Variants in SGCZ observed in about 807,000 individuals in gnomAD.
SGCZ encodes zeta-sarcoglycan.
In SGCZ, 40 loss-of-function variants were observed where a neutral mutation model predicts 41.3. The ratio of observed to expected loss-of-function variants is 0.97; its 90% CI spans 0.75 to 1.26. SGCZ has a LOEUF of 1.26. Among genes scored for constraint, SGCZ ranks in the 50% most tolerant of loss-of-function variants. SGCZ has a pLI of 0.00. For synonymous variants in SGCZ, 206 were observed against 137.5 expected, an observed-to-expected ratio of 1.50 and a Z score of -3.49; for missense variants, 552 against 369.8, an observed-to-expected ratio of 1.49 and a Z score of -4.04.
At chr8:14,358,486 A>T (rs1204206091) in intron 2 of SGCZ, among the ~76,000 whole-genome samples, 2 of 152,228 alleles carry the variant, frequency 1.3e-5, no homozygotes, top group Non-Finnish European at 2.9e-5. Context: ...CAGTTACTAT[A>T]TAAAATATGT....
At chr8:14,425,433 C>T (rs1799752844) in intron 2 of SGCZ, among the ~76,000 whole-genome samples, 1 of 151,954 alleles carries the variant, frequency 6.6e-6, no homozygotes, top group East Asian at 1.9e-4. Context: ...CCAGTCTGGC[C>T]AACATGATGA....
chr8:15,065,092 A>C (rs1435765910), intron 1 of SGCZ, among the ~76,000 whole-genome samples: 1 of 152,062 alleles, frequency 6.6e-6, no homozygotes, highest in Non-Finnish European at 1.5e-5. Context: ...AAATCTGGAT[A>C]ATTTCCCCTT....
intron 1 of SGCZ, among the ~76,000 whole-genome samples, chr8:15,134,486 C>A (rs1470660551): frequency 1.3e-5 from 2 of 151,978 alleles, no homozygotes; most frequent in African/African-American, 2.4e-5. Context: ...GAGCGGTATA[C>A]TCATATTGAA....
intron 3 of SGCZ, among the ~76,000 whole-genome samples, chr8:14,261,988 G>T (rs1030793378): frequency 6.6e-6 from 1 of 152,066 alleles, no homozygotes; most frequent in African/African-American, 2.4e-5. Flanking sequence ...AAATTAATTT[G>T]ACCAACTCCT....
rs182050416 is a variant in SGCZ, at chr8:14,719,759, T to C, written c.40-164833A>G. Among the ~76,000 whole-genome samples, 51 of 152,072 alleles carry C rather than the reference T, an allele frequency of 3.4e-4. 1 individual carries two copies. The highest frequency in any genetic ancestry group is 1.2e-3 in the African/African-American group (48 of 41,516). On this transcript the variant is annotated intron_variant, in intron 1 of 7. Coordinates refer to ENST00000382080, the MANE Select transcript of SGCZ (RefSeq NM_139167.4). ...ATTGTAGATTCTAGATATTAGCCCT[T>C]TGTCAGATGAGTAGGTTGCTAAAAT...
intron 1 of SGCZ, among the ~76,000 whole-genome samples, chr8:15,022,481 C>T (rs1365167648): frequency 3.3e-5 from 5 of 152,046 alleles, no homozygotes; most frequent in Non-Finnish European, 7.4e-5. Flanking sequence ...GTAGCTGGGA[C>T]TACAGGCATG....
intron 5 of SGCZ, among the ~76,000 whole-genome samples, chr8:14,133,843 C>A (rs1803115454): frequency 6.6e-6 from 1 of 152,212 alleles, no homozygotes; most frequent in East Asian, 1.9e-4. Flanking sequence ...TTTAAAATTA[C>A]CACTACATTA....
chr8:14,102,206 A>T (rs1802051780), intron 7 of SGCZ, among the ~76,000 whole-genome samples, 170 bp downstream of exon 7: 1 of 150,942 alleles, frequency 6.6e-6, no homozygotes, highest in Admixed American at 6.6e-5. Context: ...CCAAATATAT[A>T]CTTCTTGAAT....
rs144668131 is a variant in SGCZ at position 14,472,038 on chromosome 8, C to G, written c.234+82694G>C. On this transcript the variant is annotated intron_variant, in intron 2 of 7. Transcript: ENST00000382080. Reference sequence around the variant, plus strand: ...AAATCTTTTATTATTTCTCCTGTATCTGTAAGACTGTTCCTACCAAACTAC... The same window carrying G: ...AAATCTTTTATTATTTCTCCTGTATGTGTAAGACTGTTCCTACCAAACTAC... 8.5e-5 allele frequency among the ~76,000 whole-genome samples: 13 copies of G among 152,114 alleles called. No individual in the cohort carries two copies. In the East Asian group the frequency reaches 2.1e-3, roughly 25 times the overall value.
rs972043726 is a variant in SGCZ at position 15,061,389 on chromosome 8, C to T, written c.39+176196G>A. ...CACACACCGGGGCCTGTTGGGGGTG[C>T]GGGGCTAAGGAAGGGATAGCACTAG... On this transcript the variant is annotated intron_variant, in intron 1 of 7. Transcript: ENST00000382080. Among the ~76,000 whole-genome samples, 4 of 151,778 alleles carry T rather than the reference C, an allele frequency of 2.6e-5. No individual in the cohort carries two copies. In the South Asian group the frequency reaches 6.3e-4, roughly 24 times the overall value.
intron 2 of SGCZ, among the ~76,000 whole-genome samples, chr8:14,531,452 GCTA>G (rs1239395288): frequency 1.3e-5 from 2 of 151,998 alleles, no homozygotes; most frequent in Admixed American, 1.3e-4. Flanking sequence ...CGCTTGCTGA[GCTA>G]CCAGAGTGAA....
At chr8:14,222,666 T>C (rs574350163) in intron 4 of SGCZ, among the ~76,000 whole-genome samples, 2 of 152,204 alleles carry the variant, frequency 1.3e-5, no homozygotes, top group East Asian at 3.9e-4. Flanking sequence ...GAAACTTTAC[T>C]CCATGGACAA....
At chr8:14,115,629 C>A (rs1177546338) in intron 5 of SGCZ, among the ~76,000 whole-genome samples, 1 of 151,924 alleles carries the variant, frequency 6.6e-6, no homozygotes, top group Admixed American at 6.6e-5. Context: ...CTAGTCTTGG[C>A]TCTTTGAACT....
intron 1 of SGCZ, among the ~76,000 whole-genome samples, chr8:14,869,877 G>A (rs1804081586): frequency 6.6e-6 from 1 of 152,136 alleles, no homozygotes; most frequent in Non-Finnish European, 1.5e-5. Flanking sequence ...TACAAGGAAT[G>A]TGAAGGACCT....
At chr8:14,419,125 A>G (rs959861414) in intron 2 of SGCZ, among the ~76,000 whole-genome samples, 1 of 151,930 alleles carries the variant, frequency 6.6e-6, no homozygotes, top group African/African-American at 2.4e-5. Context: ...AAAGTATAAT[A>G]AAAATATTTA....
intron 1 of SGCZ, among the ~76,000 whole-genome samples, chr8:14,997,035 G>A (rs768630255): frequency 1.3e-5 from 2 of 152,082 alleles, no homozygotes; most frequent in African/African-American, 2.4e-5. Flanking sequence ...CCTTTTTGAA[G>A]GCTCTAATGT....
intron 1 of SGCZ, among the ~76,000 whole-genome samples, chr8:14,687,334 TC>T (rs1017122950): frequency 9.4e-6 from 1 of 106,024 alleles, no homozygotes; most frequent in African/African-American, 7.0e-5. Flanking sequence ...CCTAAAGCTA[TC>T]CCTCCCCCCT....
chr8:14,632,585 T>A (rs1307831191), intron 1 of SGCZ, among the ~76,000 whole-genome samples: 4 of 152,122 alleles, frequency 2.6e-5, no homozygotes, highest in African/African-American at 9.7e-5. Flanking sequence ...AGAATTCATC[T>A]AAAAACAATT....
At chr8:14,440,134 AT>A in intron 2 of SGCZ, among the ~76,000 whole-genome samples, 1 of 152,148 alleles carries the variant, frequency 6.6e-6, no homozygotes, top group East Asian at 1.9e-4. Context: ...CTCATGTCTC[AT>A]TTTTTGATAA....
Sources: allele counts gnomAD v4.1 joint callset (sites outside exome capture counted in the v4.1 genomes callset), GRCh38; gene constraint gnomAD v4.1.1; transcripts MANE v1.5; gene names NCBI Gene and HGNC (gene_info 2026-07-23, HGNC 2026-07-21).